GRIP1: variants seen among roughly 807,000 people sequenced by gnomAD.
GRIP1 encodes the protein glutamate receptor interacting protein 1, also known as glutamate receptor-interacting protein 1.
Under a neutral mutation model 129.9 loss-of-function variants are expected in GRIP1, and 45 were observed. The ratio of observed to expected loss-of-function variants is 0.35; its 90% CI spans 0.27 to 0.44. The LOEUF (loss-of-function observed/expected upper bound fraction) is 0.44, where lower values mean the gene tolerates loss of function less well. Ranked by LOEUF, GRIP1 falls within the 20% of genes least tolerant of loss-of-function variation. The pLI is 1.00. For missense variants in GRIP1, 1,196 were observed against 1,396.8 expected, an observed-to-expected ratio of 0.86 and a Z score of 2.29; for synonymous variants, 530 against 520.8, an observed-to-expected ratio of 1.02 and a Z score of -0.24.
intron 23 of GRIP1, among the ~76,000 whole-genome samples, chr12:66,361,487 G>A (rs2054763683): frequency 6.6e-6 from 1 of 152,190 alleles, no homozygotes; most frequent in Admixed American, 6.5e-5. Context: ...ATTCATCCCA[G>A]AGCACCTTCA....
At chr12:66,851,968 T>C (rs2039920330) in intron 1 of GRIP1, among the ~76,000 whole-genome samples, 1 of 152,106 alleles carries the variant, frequency 6.6e-6, no homozygotes, top group Admixed American at 6.6e-5. Context: ...AATTCAGATT[T>C]TGGCACAATT....
At chr12:66,857,422 T>G (rs1056746231) in intron 1 of GRIP1, among the ~76,000 whole-genome samples, 1 of 152,056 alleles carries the variant, frequency 6.6e-6, no homozygotes, top group Non-Finnish European at 1.5e-5. Flanking sequence ...GATTAACTAC[T>G]GTGAGCCAGG....
At chr12:67,005,700 T>C (rs2042616136) in intron 1 of GRIP1, among the ~76,000 whole-genome samples, 1 of 152,194 alleles carries the variant, frequency 6.6e-6, no homozygotes, top group Non-Finnish European at 1.5e-5. Context: ...TTCTCACTCG[T>C]GGAAGAAGAG....
At chr12:66,572,846 G>T (rs1280872095) in intron 2 of GRIP1, among the ~76,000 whole-genome samples, 1 of 152,124 alleles carries the variant, frequency 6.6e-6, no homozygotes, top group Non-Finnish European at 1.5e-5. Flanking sequence ...CAGTAGGCCT[G>T]ACTTGGTATG....
At chr12:66,879,298 T>A (rs1214976221) in intron 1 of GRIP1, among the ~76,000 whole-genome samples, 1 of 152,064 alleles carries the variant, frequency 6.6e-6, no homozygotes, top group East Asian at 1.9e-4. Flanking sequence ...GGCAACAGTT[T>A]AAATAGTTTA....
At chr12:67,064,004 C>T (rs1476628667) in intron 1 of GRIP1, among the ~76,000 whole-genome samples, 1 of 151,898 alleles carries the variant, frequency 6.6e-6, no homozygotes, top group Admixed American at 6.6e-5. Flanking sequence ...GCCTTCATGG[C>T]AAATACGCTT....
intron 1 of GRIP1, among the ~76,000 whole-genome samples, chr12:66,896,336 CACAGGGA>C (rs2040746696): frequency 6.6e-6 from 1 of 151,880 alleles, no homozygotes; most frequent in South Asian, 2.1e-4. Context: ...GTGTGCAATC[CACAGGGA>C]AGTCTAGGAG....
At position 66,476,796 on chromosome 12, in the gene GRIP1, C is replaced by A. The variant is rs575077724; in HGVS notation, c.725-11374G>T. On this transcript the variant is annotated intron_variant, in intron 7 of 24. Coordinates refer to ENST00000359742, the MANE Select transcript of GRIP1 (RefSeq NM_001366722.1). ...AAAAACTACATGATTATCTCAATAG[C>A]TGCAGAAAAGGCCTTTGACAATATT... Among the ~76,000 whole-genome samples the A allele has an allele frequency of 2.0e-4, 30 of 152,258 alleles. No homozygotes were observed. The South Asian group carries it at 3.9e-3, about 20-fold the overall frequency.
chr12:67,012,751 T>C (rs539552266), intron 1 of GRIP1, among the ~76,000 whole-genome samples: 7 of 152,264 alleles, frequency 4.6e-5, no homozygotes, highest in Non-Finnish European at 1.0e-4. Context: ...TGCTCAGTTA[T>C]ATCAGTCCCT....
intron 7 of GRIP1, 128 bp from the exon 8 acceptor site, chr12:66,465,550 T>A (rs1407586232): frequency 1.3e-6 from 1 of 766,752 alleles, no homozygotes; most frequent in African/African-American, 1.7e-5. Context: ...TAGATTTCCC[T>A]CCATATAATA....
chr12:66,732,702 T>C (rs1365547573), intron 1 of GRIP1, among the ~76,000 whole-genome samples: 1 of 152,158 alleles, frequency 6.6e-6, no homozygotes, highest in Admixed American at 6.5e-5. Context: ...ATAATACATA[T>C]AAAATATGTA....
rs78658128 is a variant in GRIP1, at chr12:66,592,705, A to G, written c.136+4142T>C. Reference sequence around the variant, plus strand: ...GTATCCTGTCTTCCCTTCACAAATGAGACAGACATTATTAAATGCCTCATC... The same window carrying G: ...GTATCCTGTCTTCCCTTCACAAATGGGACAGACATTATTAAATGCCTCATC... On this transcript the variant is annotated intron_variant, in intron 2 of 24. Transcript: ENST00000359742. Among the ~76,000 whole-genome samples, 413 of 152,308 alleles carry G rather than the reference A, an allele frequency of 2.7e-3. 1 individual carries two copies. The highest frequency in any genetic ancestry group is 4.5e-3 in the Non-Finnish European group (304 of 68,024).
intron 5 of GRIP1, among the ~76,000 whole-genome samples, chr12:66,518,910 C>CA (rs1193252214): frequency 2.0e-5 from 3 of 152,230 alleles, no homozygotes; most frequent in Admixed American, 6.5e-5. Flanking sequence ...GGCTAAATCT[C>CA]ACCTTCTTAA....
At chr12:66,510,368 G>C (rs2060662134) in intron 7 of GRIP1, among the ~76,000 whole-genome samples, 1 of 152,076 alleles carries the variant, frequency 6.6e-6, no homozygotes, top group Non-Finnish European at 1.5e-5. Flanking sequence ...TCTCTTCTCT[G>C]TCTAAGCTTT....
intron 7 of GRIP1, 76 bp from the exon 8 acceptor site, chr12:66,465,498 T>G: frequency 1.1e-4 from 129 of 1,123,836 alleles, no homozygotes; most frequent in Non-Finnish European, 1.6e-4. Flanking sequence ...AGATGAAGAA[T>G]ATTCAGTTTG....
chr12:66,370,168 T>C (rs796817014), intron 23 of GRIP1, among the ~76,000 whole-genome samples: 47 of 152,274 alleles, frequency 3.1e-4, no homozygotes, highest in African/African-American at 1.1e-3. Context: ...CATCTACTTC[T>C]AGGAAGTCTT....
chr12:66,786,019 G>T (rs907559072), intron 1 of GRIP1, among the ~76,000 whole-genome samples: 1 of 152,174 alleles, frequency 6.6e-6, no homozygotes, highest in African/African-American at 2.4e-5. Context: ...GGAGATGGAG[G>T]CTACAGTGAG....
intron 1 of GRIP1, among the ~76,000 whole-genome samples, chr12:66,874,336 T>A (rs1011831161): frequency 6.6e-6 from 1 of 152,118 alleles, no homozygotes; most frequent in Admixed American, 6.6e-5. Flanking sequence ...TATGCATTGC[T>A]TCCATTAATA....
intron 1 of GRIP1, among the ~76,000 whole-genome samples, chr12:66,902,265 T>G (rs1308062274): frequency 2.6e-5 from 4 of 152,216 alleles, no homozygotes. Flanking sequence ...TGGATTTACA[T>G]TCACATATTT....
Sources: gnomAD v4.1 joint callset for allele counts (sites outside exome capture counted in the v4.1 genomes callset) on GRCh38, gnomAD v4.1.1 for gene constraint, MANE v1.5 for transcripts, NCBI Gene and HGNC (gene_info 2026-07-23, HGNC 2026-07-21) for gene names.